The following XNDC1N variants were observed in gnomAD, a reference collection of about 807,000 sequenced individuals.
The protein encoded by XNDC1N is XRCC1 N-terminal domain containing 1, N-terminal like, also known as protein XNDC1N.
the XNDC1N span, among the ~76,000 whole-genome samples, chr11:71,886,838 C>T: frequency 1.3e-5 from 2 of 152,090 alleles, no homozygotes; most frequent in East Asian, 1.9e-4. Flanking sequence ...GATATGCCGA[C>T]CTGTTTGTCA....
At chr11:71,876,264 C>A in the XNDC1N span, among the ~76,000 whole-genome samples, 3 of 152,116 alleles carry the variant, frequency 2.0e-5, no homozygotes, top group South Asian at 4.1e-4. Context: ...TACCTTCATT[C>A]TTCTTCTACT....
chr11:71,908,917 G>A, the XNDC1N span, among the ~76,000 whole-genome samples: 1 of 152,192 alleles, frequency 6.6e-6, no homozygotes, highest in Non-Finnish European at 1.5e-5. Context: ...GATATGCAAA[G>A]GCTAAAGCGA....
At chr11:71,903,122 G>C in the XNDC1N span, 1 of 642,800 alleles carries the variant, frequency 1.6e-6, no homozygotes, top group Non-Finnish European at 2.9e-6. Context: ...ACAATGCTGG[G>C]TATTGGTTTA....
the XNDC1N span, chr11:71,878,391 T>C: frequency 6.3e-7 from 1 of 1,579,942 alleles, no homozygotes. Context: ...GGACTGAATG[T>C]ACACAGAAGT....
At chr11:71,887,725 G>C in the XNDC1N span, among the ~76,000 whole-genome samples, 1 of 152,180 alleles carries the variant, frequency 6.6e-6, no homozygotes, top group South Asian at 2.1e-4. Context: ...CTGTTCCCAA[G>C]TCACGGACCA....
chr11:71,881,396 A>T, the XNDC1N span, among the ~76,000 whole-genome samples: 1 of 152,204 alleles, frequency 6.6e-6, no homozygotes, highest in Non-Finnish European at 1.5e-5. Flanking sequence ...GGTGCCTTAA[A>T]TAACAAAAGT....
chr11:71,876,188 C>A, the XNDC1N span, among the ~76,000 whole-genome samples: 1 of 152,144 alleles, frequency 6.6e-6, no homozygotes, highest in African/African-American at 2.4e-5. Flanking sequence ...CTGGTGTCTT[C>A]CTGGAGAGTT....
the XNDC1N span, among the ~76,000 whole-genome samples, chr11:71,879,556 A>G: frequency 6.6e-6 from 1 of 152,152 alleles, no homozygotes; most frequent in Non-Finnish European, 1.5e-5. Flanking sequence ...CCTTATTTAT[A>G]TAATTATAAA....
chr11:71,873,092 GCTTT>G, the XNDC1N span, among the ~76,000 whole-genome samples: 11 of 151,668 alleles, frequency 7.3e-5, no homozygotes, highest in Admixed American at 2.0e-4. Context: ...AATGTTTCTT[GCTTT>G]GTTTTGTTTC....
At chr11:71,874,470 C>T in the XNDC1N span, among the ~76,000 whole-genome samples, 2 of 152,054 alleles carry the variant, frequency 1.3e-5, no homozygotes, top group African/African-American at 4.8e-5. Context: ...GGTACATGAG[C>T]CCATCACTGA....
At chr11:71,903,199 A>C in the XNDC1N span, 1 of 744,550 alleles carries the variant, frequency 1.3e-6, no homozygotes, top group Admixed American at 1.9e-5. Context: ...ATACAGACCC[A>C]CAGAGTCTAA....
chr11:71,908,907 G>C, the XNDC1N span, among the ~76,000 whole-genome samples: 1 of 152,178 alleles, frequency 6.6e-6, no homozygotes, highest in African/African-American at 2.4e-5. Flanking sequence ...TGAAAGAGGG[G>C]ATATGCAAAG....
At chr11:71,913,026 C>A in the XNDC1N span, among the ~76,000 whole-genome samples, 2 of 152,118 alleles carry the variant, frequency 1.3e-5, no homozygotes, top group South Asian at 4.1e-4. Flanking sequence ...GGTTGGTGTA[C>A]ATTCCCTGCG....
chr11:71,911,204 G>A, the XNDC1N span, among the ~76,000 whole-genome samples: 1 of 152,222 alleles, frequency 6.6e-6, no homozygotes, highest in Non-Finnish European at 1.5e-5. Context: ...GTGCTGTGGT[G>A]ACTTTAATGA....
At chr11:71,918,343 AT>A in the XNDC1N span, among the ~76,000 whole-genome samples, 2 of 151,952 alleles carry the variant, frequency 1.3e-5, no homozygotes, top group Non-Finnish European at 2.9e-5. Flanking sequence ...GTGCAGTGGC[AT>A]TATCACAGCT....
At chr11:71,876,607 A>AACCACAATTACATTTAC in the XNDC1N span, among the ~76,000 whole-genome samples, 2 of 152,152 alleles carry the variant, frequency 1.3e-5, no homozygotes, top group African/African-American at 4.8e-5. Context: ...TAATGGCAAA[A>AACCACAATTACATTTAC]ACCACAATTA....
the XNDC1N span, among the ~76,000 whole-genome samples, chr11:71,901,072 C>G: frequency 3.9e-5 from 6 of 152,256 alleles, no homozygotes; most frequent in African/African-American, 1.2e-4. Context: ...ATCACTGTGT[C>G]AAGTATGGAA....
At chr11:71,911,914 ACTT>A in the XNDC1N span, among the ~76,000 whole-genome samples, 4 of 152,142 alleles carry the variant, frequency 2.6e-5, no homozygotes, top group Non-Finnish European at 5.9e-5. Flanking sequence ...TCTTGGACCT[ACTT>A]CTTCTAAAGA....
the XNDC1N span, among the ~76,000 whole-genome samples, chr11:71,881,786 G>T: frequency 6.6e-6 from 1 of 152,112 alleles, no homozygotes; most frequent in South Asian, 2.1e-4. Flanking sequence ...TGAGCTTAAA[G>T]AATTTTAAAT....
Sources: gnomAD v4.1 joint callset for allele counts (sites outside exome capture counted in the v4.1 genomes callset) on GRCh38, gnomAD v4.1.1 for gene constraint, MANE v1.5 for transcripts, NCBI Gene and HGNC (gene_info 2026-07-23, HGNC 2026-07-21) for gene names.